The following SLC22A4 variants were observed in gnomAD, a reference collection of about 807,000 sequenced individuals.
The protein encoded by SLC22A4 is ET transporter.
SLC22A4 carries 39 observed loss-of-function variants against 56.6 expected under a neutral mutation model. The observed-to-expected ratio is 0.69, with a 90% CI of 0.53 to 0.90. The LOEUF is 0.90. Among genes scored for constraint, SLC22A4 ranks in the 40% least tolerant of loss-of-function variants. The pLI is 0.00. For synonymous variants in SLC22A4, 241 were observed against 281.4 expected, an observed-to-expected ratio of 0.86 and a Z score of 1.44; for missense variants, 594 against 696.5, an observed-to-expected ratio of 0.85 and a Z score of 1.66.
chr5:132,309,109 G>A (rs1413972285), intron 1 of SLC22A4, among the ~76,000 whole-genome samples: 1 of 152,206 alleles, frequency 6.6e-6, no homozygotes, highest in African/African-American at 2.4e-5. Flanking sequence ...GAAGGGCCCA[G>A]GGGCAGGCAG....
In SLC22A4 at chr5:132,294,686, C is replaced by G; in HGVS notation, c.70C>G (p.Leu24Val). The part of the protein sequence containing the change: ...WGPFQRLIFF[L>V]LSASIIPNGF... Reference sequence around the variant, plus strand: ...GCCCTTCCAGCGCCTCATCTTCTTCCTGCTCAGCGCCAGCATCATCCCCAA... The same window carrying G: ...GCCCTTCCAGCGCCTCATCTTCTTCGTGCTCAGCGCCAGCATCATCCCCAA... Residue 24 changes from leucine (L) to valine (V), a missense_variant, in exon 1 of 10, where the codon CTG becomes GTG. Physicochemically the swap from Leu to Val is conservative, Grantham distance 32. Coordinates refer to ENST00000200652, the MANE Select transcript of SLC22A4 (RefSeq NM_003059.3). This position sits in a 1 kb window ranked among gnomAD's most constrained non-coding sequence, Gnocchi z 5.6. 1 of 1,614,204 alleles carries G rather than the reference C, an allele frequency of 6.2e-7. No individual in the cohort carries two copies. The highest frequency in any genetic ancestry group is 1.3e-5 in the African/African-American group (1 of 75,060).
intron 5 of SLC22A4, among the ~76,000 whole-genome samples, chr5:132,331,463 TCTGA>T (rs1275157702): frequency 6.6e-6 from 1 of 152,222 alleles, no homozygotes; most frequent in Non-Finnish European, 1.5e-5. Context: ...ACATCCATTC[TCTGA>T]CTGTCAGTCA....
chr5:132,318,671 C>T (rs187659194), intron 3 of SLC22A4, among the ~76,000 whole-genome samples: 4 of 152,196 alleles, frequency 2.6e-5, no homozygotes. Flanking sequence ...TGCTCAGATT[C>T]AGAGGGGTGT....
intron 1 of SLC22A4, chr5:132,295,236 G>T (rs981486360): frequency 1.4e-6 from 1 of 716,218 alleles, no homozygotes; most frequent in African/African-American, 1.7e-5. Context: ...AAAGGAGTTT[G>T]TCACCAACTG....
chr5:132,342,434 G>T (rs575348583), intron 9 of SLC22A4, among the ~76,000 whole-genome samples: 1 of 152,198 alleles, frequency 6.6e-6, no homozygotes, highest in East Asian at 1.9e-4. Flanking sequence ...ATGAGATTGC[G>T]CAAGGGTTTT....
chr5:132,310,194 C>T (rs933189484), intron 1 of SLC22A4, among the ~76,000 whole-genome samples: 2 of 152,204 alleles, frequency 1.3e-5, no homozygotes, highest in Admixed American at 1.3e-4. Flanking sequence ...GGTTCTGAGG[C>T]CCAAGTAGGT....
At position 132,313,370 on chromosome 5, in the gene SLC22A4, G is replaced by A. The variant is rs752558907; in HGVS notation, c.498-244G>A. Among the ~76,000 whole-genome samples the A allele has an allele frequency of 4.6e-5, 7 of 152,166 alleles. No individual in the cohort carries two copies. The East Asian group carries it at 1.2e-3, about 25-fold the overall frequency. On this transcript the variant is annotated intron_variant, in intron 2 of 9. Transcript: ENST00000200652. ...GAGCATATTTCCACAAGGTCCTTGC[G>A]TACACTGCTCCATGCTTTTGAGACA...
chr5:132,296,142 A>G (rs1162364227), intron 1 of SLC22A4, among the ~76,000 whole-genome samples: 1 of 152,228 alleles, frequency 6.6e-6, no homozygotes, highest in Non-Finnish European at 1.5e-5. Context: ...CTGTGGGACA[A>G]TAGGTGGAGG....
intron 8 of SLC22A4, among the ~76,000 whole-genome samples, chr5:132,336,477 T>C (rs865805225): frequency 2.4e-4 from 37 of 152,088 alleles, no homozygotes; most frequent in African/African-American, 8.2e-4. Context: ...TGAGTCAAGA[T>C]TGCACCACTG....
intron 1 of SLC22A4, chr5:132,295,653 A>G: frequency 4.5e-6 from 1 of 223,428 alleles, no homozygotes; most frequent in Non-Finnish European, 9.2e-6. Flanking sequence ...GTAGCCCCTC[A>G]GCACCCTGCG....
At chr5:132,297,533 A>T (rs1749806850) in intron 1 of SLC22A4, among the ~76,000 whole-genome samples, 1 of 152,164 alleles carries the variant, frequency 6.6e-6, no homozygotes, top group Non-Finnish European at 1.5e-5. Flanking sequence ...TACATCACTG[A>T]TGAAAGCCTC....
chr5:132,334,178 G>C (rs1580845544), intron 6 of SLC22A4, among the ~76,000 whole-genome samples: 1 of 152,302 alleles, frequency 6.6e-6, no homozygotes, highest in Non-Finnish European at 1.5e-5. Flanking sequence ...GTGATACTTT[G>C]AAGGATTAGG....
At chr5:132,324,622 C>G (rs1750637408) in intron 4 of SLC22A4, 1 of 470,144 alleles carries the variant, frequency 2.1e-6, no homozygotes, top group African/African-American at 2.0e-5. Flanking sequence ...TAGCTTTCTT[C>G]TGAACATCCC....
Position 132,334,766 on chromosome 5 carries a change from T to C in SLC22A4, c.1095T>C (p.Asn365=), listed in dbSNP as rs1156258321. ...GYFALSLDAP[N]LHGDAYLNCF... ...TTGCTCTGTCTCTGGATGCTCCTAA[T>C]TTACATGGAGATGCCTACCTGAACT... is the stretch of plus-strand genomic sequence containing the variant. Residue 365 remains asparagine, a synonymous_variant, in exon 7 of 10, where the codon AAT becomes AAC. Coordinates refer to ENST00000200652, the MANE Select transcript of SLC22A4 (RefSeq NM_003059.3). 3 of 1,613,986 alleles carry C rather than the reference T, an allele frequency of 1.9e-6. No homozygotes were observed. Among genetic ancestry groups the C allele is most frequent in the Non-Finnish European group, 2.5e-6 (3 of 1,179,956 alleles).
At chr5:132,317,674 G>T (rs1199884118) in intron 3 of SLC22A4, among the ~76,000 whole-genome samples, 1 of 152,192 alleles carries the variant, frequency 6.6e-6, no homozygotes, top group Non-Finnish European at 1.5e-5. Context: ...GACCTCTGCT[G>T]GGTCCTATGG....
intron 3 of SLC22A4, among the ~76,000 whole-genome samples, chr5:132,314,855 AGT>A (rs1420358239): frequency 6.6e-6 from 1 of 152,208 alleles, no homozygotes; most frequent in Non-Finnish European, 1.5e-5. Flanking sequence ...GCTCAGCCTC[AGT>A]GTCTGCAGAG....
chr5:132,328,869 G>T (rs1187481533), intron 5 of SLC22A4, among the ~76,000 whole-genome samples: 1 of 127,064 alleles, frequency 7.9e-6, no homozygotes, highest in African/African-American at 2.9e-5. Flanking sequence ...ACACACACAC[G>T]CATATATAAA....
At chr5:132,343,625 G>A in intron 9 of SLC22A4, 135 bp from the exon 10 acceptor site, 1 of 652,772 alleles carries the variant, frequency 1.5e-6, no homozygotes, top group South Asian at 1.9e-5. Flanking sequence ...TCTACACCAT[G>A]AGGTTCTCAT....
At chr5:132,302,013 CAA>C (rs1470686521) in intron 1 of SLC22A4, among the ~76,000 whole-genome samples, 1 of 152,218 alleles carries the variant, frequency 6.6e-6, no homozygotes, top group Non-Finnish European at 1.5e-5. Context: ...TATTTCCAGT[CAA>C]TGCTTCAGAA....
Sources: allele counts gnomAD v4.1 joint callset (sites outside exome capture counted in the v4.1 genomes callset), GRCh38; gene constraint gnomAD v4.1.1; non-coding constraint Gnocchi (gnomAD v3.1); transcripts MANE v1.5; gene names NCBI Gene and HGNC (gene_info 2026-07-23, HGNC 2026-07-21).